TMEM260: variants seen among roughly 807,000 people sequenced by gnomAD.
The protein encoded by TMEM260 is protein O-mannosyl-transferase TMEM260.
TMEM260 carries 82 observed loss-of-function variants against 88.9 expected under a neutral mutation model. That is an observed-to-expected ratio of 0.92 (90% CI 0.77 to 1.11). TMEM260 has a LOEUF of 1.11. Among genes scored for constraint, TMEM260 ranks in the 50% least tolerant of loss-of-function variants. The probability of loss-of-function intolerance (pLI) is 0.00; values close to 1 mark genes in which losing one functional copy is unlikely to be tolerated. For missense variants in TMEM260, 902 were observed against 853.4 expected (o/e 1.06, Z -0.71); for synonymous variants, 314 against 309.3 (o/e 1.02, Z -0.16).
intron 5 of TMEM260, among the ~76,000 whole-genome samples, chr14:56,606,449 A>C (rs544072221): frequency 4.0e-4 from 61 of 152,318 alleles, no homozygotes; most frequent in Middle Eastern, 3.4e-3. Context: ...ATAAAACAAA[A>C]TTATTATCTA....
Position 56,647,282 on chromosome 14 carries a change from G to A in TMEM260, c.1909G>A (p.Val637Met), listed in dbSNP as rs1890026479. The change falls in exon 16 of 16, where the codon GTG becomes ATG. Residue 637 changes from valine to methionine, a missense_variant. Transcript: ENST00000261556. Reference protein sequence around the residue: ...EIVYLQKEHPVNWHKNYAIAC... With the variant: ...EIVYLQKEHPMNWHKNYAIAC... ...TGTCTATTTACAAAAGGAGCACCCA[G>A]TGAATTGGCACAAGAACTATGCCAT... 1.9e-6 allele frequency: 3 copies of A among 1,614,092 alleles called. No homozygotes were observed. The highest frequency in any genetic ancestry group is 2.5e-6 in the Non-Finnish European group (3 of 1,180,002).
chr14:56,610,445 T>C (rs907970035), intron 6 of TMEM260, among the ~76,000 whole-genome samples: 3 of 152,108 alleles, frequency 2.0e-5, no homozygotes, highest in Non-Finnish European at 4.4e-5. Context: ...GGTTTCACCA[T>C]GTTAGCCAGG....
chr14:56,617,101 C>T, intron 8 of TMEM260, 82 bp from the exon 9 acceptor site: 2 of 817,726 alleles, frequency 2.4e-6, no homozygotes, highest in South Asian at 5.3e-5. Flanking sequence ...TTTTATAGAT[C>T]TAATAGTTTA....
chr14:56,617,021 T>A lies in TMEM260; in HGVS notation c.942-162T>A, dbSNP rs150511727. On this transcript the variant is annotated intron_variant, in intron 8 of 15. Coordinates refer to ENST00000261556, the MANE Select transcript of TMEM260 (RefSeq NM_017799.4). ...TGTAGTTCAAATTTATTATTATATT[T>A]TGGTTATTTGTTTCAACTCAGATTT... is the stretch of plus-strand genomic sequence containing the variant. Among the ~76,000 whole-genome samples the A allele has an allele frequency of 2.7e-3, 410 of 152,284 alleles. 3 individuals carry two copies. The highest frequency in any genetic ancestry group is 9.5e-3 in the African/African-American group (395 of 41,572).
Position 56,647,245 on chromosome 14 carries a change from T to G in TMEM260, c.1872T>G (p.Leu624=), listed in dbSNP as rs140403712. The change falls in exon 16 of 16, where the codon CTT becomes CTG. Residue 624 remains leucine (L), a splice_region_variant and synonymous_variant. Coordinates refer to ENST00000261556, the MANE Select transcript of TMEM260 (RefSeq NM_017799.4). ...CCAACATTTCTGCTGTTTTCTAGCTTTATAAGGAGATTGTCTATTTACAAA... is the reference window on the plus strand; with the variant it reads ...CCAACATTTCTGCTGTTTTCTAGCTGTATAAGGAGATTGTCTATTTACAAA... ...KAQLYAQAYD[L]YKEIVYLQKE... 6.2e-7 allele frequency: 1 copy of G among 1,610,996 alleles called. No homozygotes were observed.
intron 10 of TMEM260, among the ~76,000 whole-genome samples, chr14:56,620,147 G>T (rs777255939): frequency 6.6e-6 from 1 of 152,188 alleles, no homozygotes; most frequent in Non-Finnish European, 1.5e-5. Flanking sequence ...GAGAGTGGAG[G>T]CTGGGAGGAG....
intron 3 of TMEM260, among the ~76,000 whole-genome samples, chr14:56,602,867 A>C (rs577182376): frequency 2.8e-4 from 43 of 152,280 alleles, no homozygotes; most frequent in African/African-American, 9.9e-4. Flanking sequence ...CTTTTTATAC[A>C]AAAGGATACA....
At position 56,585,108 on chromosome 14, in the gene TMEM260, GAGTAA is replaced by G; in HGVS notation, c.192+81_192+85del. ...AATTAAGAAAGTTTAATTAAGCATG[GAGTAA>G]AGTAGATTAATTTATTTTCAAACCC... is the stretch of plus-strand genomic sequence containing the variant. On this transcript the variant is annotated intron_variant, in intron 2 of 15. Coordinates refer to ENST00000261556, the MANE Select transcript of TMEM260 (RefSeq NM_017799.4). The G allele has an allele frequency of 1.1e-5, 14 of 1,321,032 alleles. No individual in the cohort carries two copies. The South Asian group carries it at 1.8e-4, about 17-fold the overall frequency. The allele number at this position is 1,321,032 out of a possible 1,614,324, so 81.8% of individuals were successfully genotyped here. A position where few individuals can be genotyped will look rare whatever the true frequency, so the allele number is the denominator to read the frequency against.
downstream of TMEM260, among the ~76,000 whole-genome samples, chr14:56,651,082 T>G (rs1312614099): frequency 6.6e-6 from 1 of 152,194 alleles, no homozygotes; most frequent in Non-Finnish European, 1.5e-5. Flanking sequence ...TAAGTAATGT[T>G]TCCAGGGATT....
intron 15 of TMEM260, among the ~76,000 whole-genome samples, chr14:56,639,459 A>G (rs1289067191): frequency 6.6e-6 from 1 of 152,200 alleles, no homozygotes; most frequent in Non-Finnish European, 1.5e-5. Context: ...CAAAAATTAA[A>G]GTAACAAACA....
intron 3 of TMEM260, among the ~76,000 whole-genome samples, chr14:56,596,377 T>TGAGA (rs370761631): frequency 7.0e-5 from 9 of 127,722 alleles, no homozygotes; most frequent in African/African-American, 2.7e-4. Flanking sequence ...CATATATATG[T>TGAGA]GAGAGTGTGT....
At chr14:56,622,097 A>G (rs1179755980) in intron 11 of TMEM260, among the ~76,000 whole-genome samples, 3 of 152,076 alleles carry the variant, frequency 2.0e-5, no homozygotes, top group Non-Finnish European at 4.4e-5. Flanking sequence ...TAATCCCAGC[A>G]CTTTGGGAGG....
At chr14:56,635,544 G>A (rs1251281838) in intron 14 of TMEM260, among the ~76,000 whole-genome samples, 3 of 152,164 alleles carry the variant, frequency 2.0e-5, no homozygotes, top group Non-Finnish European at 4.4e-5. Context: ...CTGTCATCCT[G>A]TCCTGTATGG....
At chr14:56,653,579 C>CA (rs1192256356), downstream of TMEM260, among the ~76,000 whole-genome samples, 3 of 151,508 alleles carry the variant, frequency 2.0e-5, no homozygotes, top group Non-Finnish European at 4.4e-5. Context: ...ACTAAAAATA[C>CA]AAAAATTAGC....
chr14:56,635,671 C>A (rs1231440175), intron 14 of TMEM260, among the ~76,000 whole-genome samples: 1 of 152,136 alleles, frequency 6.6e-6, no homozygotes, highest in Non-Finnish European at 1.5e-5. Flanking sequence ...CTAAGTAGTG[C>A]AGACGGAGTA....
rs1490667481 is a variant in TMEM260, at chr14:56,579,832, C to T, written c.-83C>T. On this transcript the variant is annotated 5_prime_UTR_variant, in exon 1 of 16. Coordinates refer to ENST00000261556, the MANE Select transcript of TMEM260 (RefSeq NM_017799.4). ...GCCGCCGTGGCCGCCGCACAAGCTG[C>T]GCTCGTCTCTCGGCTGGGGAGCTCC... 4 of 1,191,776 alleles carry T rather than the reference C, an allele frequency of 3.4e-6. No homozygotes were observed. Among genetic ancestry groups the T allele is most frequent in the East Asian group, 6.4e-5 (2 of 31,424 alleles). 73.8% of individuals were successfully genotyped at this position (1,191,776 alleles called of 1,614,324 possible).
intron 13 of TMEM260, chr14:56,633,373 G>C: frequency 2.3e-6 from 1 of 436,636 alleles, no homozygotes; most frequent in Non-Finnish European, 4.1e-6. Flanking sequence ...TGGGGAGAGA[G>C]GAGGGAAGAG....
Position 56,625,364 on chromosome 14 carries a change from G to T in TMEM260, c.1399-18G>T. 3 of 1,609,276 alleles carry T rather than the reference G, an allele frequency of 1.9e-6. No individual in the cohort carries two copies. The highest frequency in any genetic ancestry group is 2.5e-6 in the Non-Finnish European group (3 of 1,178,750). On this transcript the variant is annotated intron_variant, in intron 11 of 15. Transcript: ENST00000261556. ...AAATATATTAAAAGTCTGACATTAT[G>T]TGTGACTTTTCTGGCAGATGATGAC...
chr14:56,640,703 AGAAG>A (rs1375963645), intron 15 of TMEM260, among the ~76,000 whole-genome samples: 1 of 152,236 alleles, frequency 6.6e-6, no homozygotes, highest in Non-Finnish European at 1.5e-5. Flanking sequence ...TCCAAGCTAA[AGAAG>A]GAAGTTCGAA....
Sources: allele counts gnomAD v4.1 joint callset (sites outside exome capture counted in the v4.1 genomes callset), GRCh38; gene constraint gnomAD v4.1.1; transcripts MANE v1.5; gene names NCBI Gene and HGNC (gene_info 2026-07-23, HGNC 2026-07-21).